SCRG1: variants seen among roughly 807,000 people sequenced by gnomAD.
SCRG1 encodes the protein stimulator of chondrogenesis 1, also known as scrapie-responsive protein 1.
SCRG1 carries 3 observed loss-of-function variants against 7.7 expected under a neutral mutation model. The observed-to-expected ratio is 0.39, with a 90% confidence interval of 0.18 to 1.01. SCRG1 has a LOEUF of 1.01. Ranked by LOEUF, SCRG1 falls within the 50% of genes least tolerant of loss-of-function variation. The probability of loss-of-function intolerance (pLI) is 0.36; values close to 1 mark genes in which losing one functional copy is unlikely to be tolerated. For synonymous variants in SCRG1, 46 were observed against 41.2 expected (o/e 1.12, Z -0.44); for missense variants, 110 against 117.2 (o/e 0.94, Z 0.28).
At chr4:173,473,931 G>C in the SCRG1 span, among the ~76,000 whole-genome samples, 1 of 152,214 alleles carries the variant, frequency 6.6e-6, no homozygotes, top group African/African-American at 2.4e-5. Context: ...TGTAATCCCA[G>C]CATTTTGGGA....
chr4:173,447,530 C>A, the SCRG1 span, among the ~76,000 whole-genome samples: 58 of 152,152 alleles, frequency 3.8e-4, no homozygotes, highest in Non-Finnish European at 6.8e-4. Flanking sequence ...GAAACAGGAA[C>A]GCAAAATTCA....
chr4:173,416,911 A>ACACACACACAC, the SCRG1 span, among the ~76,000 whole-genome samples: 5 of 125,150 alleles, frequency 4.0e-5, no homozygotes, highest in African/African-American at 1.3e-4. Flanking sequence ...CACACACCCA[A>ACACACACACAC]ACACACACAC....
At chr4:173,483,922 T>C in the SCRG1 span, among the ~76,000 whole-genome samples, 1 of 102,054 alleles carries the variant, frequency 9.8e-6, no homozygotes, top group African/African-American at 4.1e-5. Context: ...ATATATGTTA[T>C]ATATTTCATA....
chr4:173,484,198 T>A, the SCRG1 span, among the ~76,000 whole-genome samples: 1 of 83,290 alleles, frequency 1.2e-5, no homozygotes, highest in Non-Finnish European at 2.0e-5. Context: ...CTATATTATA[T>A]ATTATATATA....
chr4:173,434,246 A>G, the SCRG1 span, among the ~76,000 whole-genome samples: 3 of 152,238 alleles, frequency 2.0e-5, no homozygotes, highest in Non-Finnish European at 2.9e-5. Flanking sequence ...TTTCATTTCA[A>G]AAATTTTACA....
the SCRG1 span, among the ~76,000 whole-genome samples, chr4:173,413,093 T>C: frequency 6.6e-6 from 1 of 151,914 alleles, no homozygotes; most frequent in Admixed American, 6.6e-5. Context: ...TTCCTTTGGG[T>C]TGATCTCATA....
chr4:173,388,449 A>T, intron 2 of SCRG1, 54 bp from the exon 3 acceptor site: 1 of 1,229,496 alleles, frequency 8.1e-7, no homozygotes, highest in Non-Finnish European at 1.2e-6. Context: ...GATATTAGTT[A>T]GTCTATTCTA....
chr4:173,443,439 G>C, the SCRG1 span, among the ~76,000 whole-genome samples: 10 of 152,154 alleles, frequency 6.6e-5, no homozygotes, highest in Middle Eastern at 3.2e-3. Context: ...CAACCCCTTG[G>C]CATGTTGCTC....
chr4:173,483,535 A>ATATATAATATTTATTATATATTGTATTG, the SCRG1 span, among the ~76,000 whole-genome samples: 5 of 50,232 alleles, frequency 1.0e-4, 1 homozygote, highest in African/African-American at 2.1e-4. Flanking sequence ...ATATTGTATT[A>ATATATAATATTTATTATATATTGTATTG]TGATATATAA....
chr4:173,403,466 C>G (rs1052830079), upstream of SCRG1, among the ~76,000 whole-genome samples: 1 of 152,148 alleles, frequency 6.6e-6, no homozygotes, highest in Non-Finnish European at 1.5e-5. Flanking sequence ...AGGCACCCAC[C>G]TTCGTCTGCG....
the SCRG1 span, among the ~76,000 whole-genome samples, chr4:173,460,556 A>C: frequency 6.6e-6 from 1 of 152,174 alleles, no homozygotes; most frequent in Non-Finnish European, 1.5e-5. Flanking sequence ...GTTTCTAGAC[A>C]CACCCTGGTC....
the SCRG1 span, among the ~76,000 whole-genome samples, chr4:173,518,570 C>T: frequency 7.4e-4 from 112 of 152,248 alleles, no homozygotes; most frequent in Admixed American, 1.4e-3. Context: ...CTCAGTACAG[C>T]CTTCGGGCTT....
At chr4:173,496,395 T>C in the SCRG1 span, among the ~76,000 whole-genome samples, 1 of 152,186 alleles carries the variant, frequency 6.6e-6, no homozygotes, top group Admixed American at 6.5e-5. Flanking sequence ...GTTATTAGCC[T>C]GAGCACCAGG....
chr4:173,392,736 A>G (rs1420046794), intron 1 of SCRG1, among the ~76,000 whole-genome samples: 1 of 152,210 alleles, frequency 6.6e-6, no homozygotes, highest in Non-Finnish European at 1.5e-5. Context: ...GTGCCAAAGT[A>G]TCTTTCCTTC....
At chr4:173,518,325 G>A in the SCRG1 span, among the ~76,000 whole-genome samples, 2 of 152,306 alleles carry the variant, frequency 1.3e-5, no homozygotes, top group South Asian at 2.1e-4. Context: ...GGGACAGGGG[G>A]ACGGGAAGAG....
the SCRG1 span, among the ~76,000 whole-genome samples, chr4:173,485,192 A>AT: frequency 5.6e-4 from 18 of 32,216 alleles, 2 homozygotes; most frequent in African/African-American, 1.7e-3. Flanking sequence ...CATTATATGT[A>AT]ATATATATGA....
At chr4:173,512,153 G>A in the SCRG1 span, among the ~76,000 whole-genome samples, 4 of 152,176 alleles carry the variant, frequency 2.6e-5, no homozygotes, top group Admixed American at 2.0e-4. Context: ...AGGGATGCAG[G>A]GGGCAGAGGG....
chr4:173,437,967 A>T, the SCRG1 span, among the ~76,000 whole-genome samples: 1 of 152,218 alleles, frequency 6.6e-6, no homozygotes, highest in Non-Finnish European at 1.5e-5. Context: ...CATCATTCCA[A>T]GAAACACCAA....
At chr4:173,493,382 A>G in the SCRG1 span, among the ~76,000 whole-genome samples, 1 of 152,004 alleles carries the variant, frequency 6.6e-6, no homozygotes, top group Non-Finnish European at 1.5e-5. Flanking sequence ...AGGACTCCCA[A>G]TCATGCTTCC....
Sources: gnomAD v4.1 joint callset for allele counts (sites outside exome capture counted in the v4.1 genomes callset) on GRCh38, gnomAD v4.1.1 for gene constraint, MANE v1.5 for transcripts, NCBI Gene and HGNC (gene_info 2026-07-23, HGNC 2026-07-21) for gene names.